Variants in UBE2G1 observed in about 807,000 individuals in gnomAD.
UBE2G1 encodes the protein ubiquitin conjugating enzyme E2 G1, also known as ubiquitin-conjugating enzyme E2 G1.
Under a neutral mutation model 22.7 loss-of-function variants are expected in UBE2G1, and 5 were observed. The observed-to-expected ratio is 0.22, with a 90% CI of 0.12 to 0.46. The LOEUF (loss-of-function observed/expected upper bound fraction) is 0.46. Among genes scored for constraint, UBE2G1 ranks in the 20% least tolerant of loss-of-function variants. The pLI, the probability that UBE2G1 is intolerant of heterozygous loss-of-function variation, is 0.99. For missense variants in UBE2G1, 88 were observed against 203.9 expected, an observed-to-expected ratio of 0.43 and a Z score of 3.46; for synonymous variants, 74 against 67.5, an observed-to-expected ratio of 1.10 and a Z score of -0.47.
chr17:4,337,898 C>T (rs190473012), intron 1 of UBE2G1, among the ~76,000 whole-genome samples: 18 of 152,232 alleles, frequency 1.2e-4, no homozygotes, highest in Middle Eastern at 6.8e-3. Flanking sequence ...CAGCCAGGAA[C>T]GGTGGCTCAT....
At chr17:4,280,782 C>T (rs376435736) in intron 5 of UBE2G1, among the ~76,000 whole-genome samples, 1 of 151,936 alleles carries the variant, frequency 6.6e-6, no homozygotes, top group African/African-American at 2.4e-5. Context: ...AACAGGCGCA[C>T]GCCACTGTGC....
intron 4 of UBE2G1, among the ~76,000 whole-genome samples, chr17:4,283,451 G>A (rs961488466): frequency 2.6e-5 from 4 of 152,170 alleles, no homozygotes; most frequent in African/African-American, 9.7e-5. Flanking sequence ...TGTGACCTGA[G>A]ATGGTGCCAC....
At chr17:4,333,851 C>A (rs1288894364) in intron 1 of UBE2G1, among the ~76,000 whole-genome samples, 1 of 152,042 alleles carries the variant, frequency 6.6e-6, no homozygotes, top group Non-Finnish European at 1.5e-5. Flanking sequence ...ACACCTTTTG[C>A]CTAATTCGCA....
At chr17:4,365,245 G>A (rs1462600278) in intron 1 of UBE2G1, among the ~76,000 whole-genome samples, 1 of 152,188 alleles carries the variant, frequency 6.6e-6, no homozygotes, top group Non-Finnish European at 1.5e-5. Flanking sequence ...GTACAGCAGG[G>A]GTAAGTGCTG....
intron 1 of UBE2G1, among the ~76,000 whole-genome samples, chr17:4,363,927 G>C (rs551945157): frequency 8.1e-6 from 1 of 123,726 alleles, no homozygotes; most frequent in Non-Finnish European, 1.6e-5. Flanking sequence ...ACTCCAGCTG[G>C]GCAACAGAGT....
Position 4,296,831 on chromosome 17 carries a change from A to G in UBE2G1, c.150-17T>C. On this transcript the variant is annotated splice_polypyrimidine_tract_variant and intron_variant, in intron 2 of 5. Coordinates refer to ENST00000396981, the MANE Select transcript of UBE2G1 (RefSeq NM_003342.5). Reference sequence around the variant, plus strand: ...CCACCTTCACTGGAAAAAAGAACAAAAAGAAGTTCTTGCCTATAAGTTCCT... The same window carrying G: ...CCACCTTCACTGGAAAAAAGAACAAGAAGAAGTTCTTGCCTATAAGTTCCT... 6.2e-7 allele frequency: 1 copy of G among 1,607,176 alleles called. No individual in the cohort carries two copies.
At chr17:4,344,539 T>G (rs547222313) in intron 1 of UBE2G1, among the ~76,000 whole-genome samples, 2 of 147,768 alleles carry the variant, frequency 1.4e-5, no homozygotes, top group African/African-American at 5.0e-5. Context: ...AAACGCCATA[T>G]GAAGAAAGCT....
In UBE2G1 at chr17:4,290,809, T is replaced by C. The variant is rs1041101247; in HGVS notation, c.248-1401A>G. 2.9e-4 allele frequency among the ~76,000 whole-genome samples: 41 copies of C among 142,630 alleles called. 1 individual carries two copies. The highest frequency in any genetic ancestry group is 1.4e-3 in the East Asian group (7 of 4,834). The allele number at this position is 142,630 out of a possible 152,430, so 93.6% of individuals were successfully genotyped here. A position where few individuals can be genotyped will look rare whatever the true frequency, so the allele number is the denominator to read the frequency against. On this transcript the variant is annotated intron_variant, in intron 3 of 5. Coordinates refer to ENST00000396981, the MANE Select transcript of UBE2G1 (RefSeq NM_003342.5). Reference sequence around the variant, plus strand: ...TTTTTTTTTTTTTTTGGTAGAGATATAGTCTTACTATATTGCCCAGGCTGG... The same window carrying C: ...TTTTTTTTTTTTTTTGGTAGAGATACAGTCTTACTATATTGCCCAGGCTGG...
rs57051928 is a variant in UBE2G1, at chr17:4,330,976, C to CCACA, written c.47-23857_47-23854dup. Among the ~76,000 whole-genome samples the CCACA allele has an allele frequency of 9.1e-3, 1,309 of 143,654 alleles. 7 individuals are homozygous for CCACA. The highest frequency in any genetic ancestry group is 0.014 in the South Asian group (65 of 4,534). The allele number at this position is 143,654 out of a possible 152,430, so 94.2% of individuals were successfully genotyped here. A position where few individuals can be genotyped will look rare whatever the true frequency, so the allele number is the denominator to read the frequency against. Reference sequence around the variant, plus strand: ...TAATTACTCTTATAAACCTTTAAAACCACACACACACACACACACACACAC... The same window carrying CCACA: ...TAATTACTCTTATAAACCTTTAAAACCACACACACACACACACACACACACACAC... On this transcript the variant is annotated intron_variant, in intron 1 of 5. Coordinates refer to ENST00000396981, the MANE Select transcript of UBE2G1 (RefSeq NM_003342.5).
chr17:4,303,284 C>G (rs1969207942), intron 2 of UBE2G1, among the ~76,000 whole-genome samples: 1 of 152,158 alleles, frequency 6.6e-6, no homozygotes, highest in Non-Finnish European at 1.5e-5. Context: ...ATAGTACAAA[C>G]AGTCTGTACA....
intron 3 of UBE2G1, among the ~76,000 whole-genome samples, chr17:4,296,281 G>C (rs761557913): frequency 2.6e-5 from 4 of 151,716 alleles, no homozygotes; most frequent in Non-Finnish European, 5.9e-5. Context: ...TCTCTTTTTT[G>C]GGACACGGTC....
At chr17:4,365,246 G>GT (rs1346727627) in intron 1 of UBE2G1, among the ~76,000 whole-genome samples, 5 of 152,344 alleles carry the variant, frequency 3.3e-5, no homozygotes, top group African/African-American at 4.8e-5. Context: ...TACAGCAGGG[G>GT]TAAGTGCTGG....
rs199640749 is a variant in UBE2G1 at position 4,295,964 on chromosome 17, A to G, written c.247+753T>C. Among the ~76,000 whole-genome samples, 12 of 147,426 alleles carry G rather than the reference A, an allele frequency of 8.1e-5. No homozygotes were observed. The South Asian group carries it at 1.4e-3, about 17-fold the overall frequency. ...ATGCTTTCCAGGCTTAAAAAATGTA[A>G]TACGTTGTTTCATATGACACTGCCA... On this transcript the variant is annotated intron_variant, in intron 3 of 5. Coordinates refer to ENST00000396981, the MANE Select transcript of UBE2G1 (RefSeq NM_003342.5).
At chr17:4,352,958 C>T (rs1040450758) in intron 1 of UBE2G1, among the ~76,000 whole-genome samples, 2 of 152,136 alleles carry the variant, frequency 1.3e-5, no homozygotes, top group Non-Finnish European at 2.9e-5. Context: ...CTGGCTCACG[C>T]CTGTAATCCC....
chr17:4,298,644 T>G (rs1350140203), intron 2 of UBE2G1, among the ~76,000 whole-genome samples: 1 of 152,104 alleles, frequency 6.6e-6, no homozygotes, highest in Non-Finnish European at 1.5e-5. Flanking sequence ...GATAATACAA[T>G]TTTTTTAGTA....
At chr17:4,289,960 T>C (rs1022405874) in intron 3 of UBE2G1, among the ~76,000 whole-genome samples, 1 of 152,182 alleles carries the variant, frequency 6.6e-6, no homozygotes, top group Non-Finnish European at 1.5e-5. Context: ...CATGCCATAC[T>C]GCCAATGAAA....
intron 1 of UBE2G1, among the ~76,000 whole-genome samples, chr17:4,336,930 C>T (rs937134072): frequency 2.0e-5 from 3 of 152,056 alleles, no homozygotes; most frequent in African/African-American, 7.2e-5. Context: ...AACTGATCAT[C>T]AATTTAGGCC....
In UBE2G1 at chr17:4,315,812, T is replaced by C. The variant is rs1354111775; in HGVS notation, c.47-8689A>G. Reference sequence around the variant, plus strand: ...AGAAAAGAGGCTCCTTTTTTTTTTTTTTTTTCCTCCCTGAGACGGAGTCTC... The same window carrying C: ...AGAAAAGAGGCTCCTTTTTTTTTTTCTTTTTCCTCCCTGAGACGGAGTCTC... On this transcript the variant is annotated intron_variant, in intron 1 of 5. Coordinates refer to ENST00000396981, the MANE Select transcript of UBE2G1 (RefSeq NM_003342.5). Among the ~76,000 whole-genome samples the C allele has an allele frequency of 4.9e-5, 7 of 142,810 alleles. No individual in the cohort carries two copies. The East Asian group carries it at 1.4e-3, about 29-fold the overall frequency. 93.7% of individuals were successfully genotyped at this position (142,810 alleles called of 152,430 possible).
intron 1 of UBE2G1, among the ~76,000 whole-genome samples, chr17:4,330,034 C>G (rs1969552499): frequency 6.6e-6 from 1 of 152,008 alleles, no homozygotes; most frequent in Non-Finnish European, 1.5e-5. Flanking sequence ...TACCCAGAGC[C>G]ATGAGTTATT....
Sources: allele counts gnomAD v4.1 joint callset (sites outside exome capture counted in the v4.1 genomes callset), GRCh38; gene constraint gnomAD v4.1.1; transcripts MANE v1.5; gene names NCBI Gene and HGNC (gene_info 2026-07-23, HGNC 2026-07-21).